ADAM15: variants seen among roughly 807,000 people sequenced by gnomAD.
The protein encoded by ADAM15 is ADAM metallopeptidase domain 15.
Under a neutral mutation model 113.8 loss-of-function variants are expected in ADAM15, and 77 were observed. The ratio of observed to expected loss-of-function variants is 0.68; its 90% CI spans 0.56 to 0.82. The LOEUF (loss-of-function observed/expected upper bound fraction) is 0.82. ADAM15 is among the 40% of genes least tolerant of loss of function. The pLI, the probability that ADAM15 is intolerant of heterozygous loss-of-function variation, is 0.00. For synonymous variants in ADAM15, 388 were observed against 454.1 expected, an observed-to-expected ratio of 0.85 and a Z score of 1.85; for missense variants, 963 against 1,120.1, an observed-to-expected ratio of 0.86 and a Z score of 2.00.
chr1:155,053,835 C>T, intron 3 of ADAM15, 75 bp from the exon 4 acceptor site: 7 of 1,550,066 alleles, frequency 4.5e-6, no homozygotes, highest in Non-Finnish European at 5.3e-6. Flanking sequence ...CCCACAACCA[C>T]CTTCAAGCCT....
At chr1:155,061,290 C>T (rs755238243) in intron 19 of ADAM15, 125 bp from the exon 20 acceptor site, 1 of 661,558 alleles carries the variant, frequency 1.5e-6, no homozygotes, top group Non-Finnish European at 2.7e-6. Flanking sequence ...TGCATAACTG[C>T]ATGCACAGCA....
At chr1:155,052,853 G>C in intron 2 of ADAM15, 76 bp downstream of exon 2, 1 of 1,515,386 alleles carries the variant, frequency 6.6e-7, no homozygotes, top group Non-Finnish European at 8.9e-7. Context: ...CAAAGCCAAA[G>C]CTTGGCTGAG....
In ADAM15 at chr1:155,057,692, A is replaced by G. The variant is rs370606510; in HGVS notation, c.1379A>G (p.Gln460Arg). The change falls in exon 13 of 23, where the codon CAG becomes CGG. Residue 460 changes from glutamine to arginine, a missense_variant. Physicochemically the swap from Gln to Arg is conservative, Grantham distance 43. Coordinates refer to ENST00000356955, the MANE Select transcript of ADAM15 (RefSeq NM_207197.3). This position sits in a 1 kb window ranked among gnomAD's most constrained non-coding sequence, Gnocchi z 5.0. ...SLTCQLRPGAQCASDGPCCQN... is the reference protein window; with the variant it reads ...SLTCQLRPGARCASDGPCCQN... ...ACCTGCCAGCTGAGGCCAGGTGCAC[A>G]GTGTGCATCTGACGGACCCTGTTGT... The G allele has an allele frequency of 1.9e-6, 3 of 1,614,028 alleles. No homozygotes were observed. The highest frequency in any genetic ancestry group is 2.7e-5 in the African/African-American group (2 of 74,896).
Position 155,056,890 on chromosome 1 carries a change from G to T in ADAM15, c.1000-63G>T. 6.6e-7 allele frequency: 1 copy of T among 1,514,762 alleles called. No individual in the cohort carries two copies. The highest frequency in any genetic ancestry group is 8.8e-7 in the Non-Finnish European group (1 of 1,130,552). 93.8% of individuals were successfully genotyped at this position (1,514,762 alleles called of 1,614,324 possible). A position where few individuals can be genotyped will look rare whatever the true frequency, so the allele number is the denominator to read the frequency against. On this transcript the variant is annotated intron_variant, in intron 10 of 22. Coordinates refer to ENST00000356955, the MANE Select transcript of ADAM15 (RefSeq NM_207197.3). The surrounding 1 kb of genome is among the most constrained non-coding windows in gnomAD (Gnocchi z 4.0). ...TGGAGGGAACAGGAGCAGAGAGGGT[G>T]GTCTGGGCATTGTGGTGGAGGCAGG...
intron 6 of ADAM15, chr1:155,055,550 A>T (rs1661641102): frequency 1.8e-6 from 1 of 557,292 alleles, no homozygotes; most frequent in African/African-American, 1.9e-5. Context: ...TAAAAATTTG[A>T]AAAAAACCAC....
At position 155,060,794 on chromosome 1, in the gene ADAM15, G is replaced by C. The variant is rs747157608; in HGVS notation, c.2239G>C (p.Gly747Arg). The C allele has an allele frequency of 2.5e-6, 4 of 1,613,240 alleles. No individual in the cohort carries two copies. In the South Asian group the frequency reaches 4.4e-5, roughly 18 times the overall value. Residue 747 changes from glycine (G) to arginine (R), a missense_variant, in exon 19 of 23, where the codon GGA (glycine) becomes CGA (arginine). Coordinates refer to ENST00000356955, the MANE Select transcript of ADAM15 (RefSeq NM_207197.3). The part of the protein sequence containing the change: ...AAQSGPSERP[G>R]PPQRALLARG... ...CCAATCTGGTCCCTCTGAACGGCCA[G>C]GACCTCCGCAGAGGGCCCTGCTGGC...
rs763190212 is a variant in ADAM15, at chr1:155,057,106, G to A, written c.1148+5G>A. ...CATCATGGAGGCCTCCACAGAGTAA[G>A]TAGCTGCAGGATGGAGAGAGGGTGT... is the stretch of plus-strand genomic sequence containing the variant. On this transcript the variant is annotated splice_donor_5th_base_variant and intron_variant, in intron 11 of 22. Coordinates refer to ENST00000356955, the MANE Select transcript of ADAM15 (RefSeq NM_207197.3). This position sits in a 1 kb window ranked among gnomAD's most constrained non-coding sequence, Gnocchi z 5.0. The A allele has an allele frequency of 2.5e-6, 4 of 1,569,044 alleles. No individual in the cohort carries two copies. The highest frequency in any genetic ancestry group is 2.6e-6 in the Non-Finnish European group (3 of 1,155,516).
Position 155,060,771 on chromosome 1 carries a change from A to G in ADAM15, c.2216A>G (p.Gln739Arg). The change falls in exon 19 of 23, where the codon CAA (glutamine) becomes CGA (arginine). Residue 739 changes from glutamine to arginine, a missense_variant. By Grantham distance (43) the Gln-to-Arg change is conservative (BLOSUM62 1). Transcript: ENST00000356955. The part of the protein sequence containing the change: ...KGPTCQYRAA[Q>R]SGPSERPGPP... Reference sequence around the variant, plus strand: ...CCTTTCCTCATGCATAGGGCAGCCCAATCTGGTCCCTCTGAACGGCCAGGA... The same window carrying G: ...CCTTTCCTCATGCATAGGGCAGCCCGATCTGGTCCCTCTGAACGGCCAGGA... The G allele has an allele frequency of 6.2e-7, 1 of 1,613,850 alleles. No homozygotes were observed. The highest frequency in any genetic ancestry group is 2.2e-5 in the East Asian group (1 of 44,884).
chr1:155,059,855 T>C lies in ADAM15; in HGVS notation c.1996-47T>C, dbSNP rs1225348714. ...TCTTGAAAAGCTAGAGACAAGGAAA[T>C]AGTTCCAGAGTGCAGAGCTCCTCAT... On this transcript the variant is annotated intron_variant, in intron 16 of 22. Coordinates refer to ENST00000356955, the MANE Select transcript of ADAM15 (RefSeq NM_207197.3). 4 of 1,578,326 alleles carry C rather than the reference T, an allele frequency of 2.5e-6. No homozygotes were observed. The East Asian group carries it at 9.0e-5, about 35-fold the overall frequency.
intron 6 of ADAM15, 97 bp from the exon 7 acceptor site, chr1:155,055,693 G>C (rs1661660750): frequency 3.7e-6 from 5 of 1,345,532 alleles, no homozygotes; most frequent in African/African-American, 2.9e-5. Context: ...CCTCCTATTT[G>C]ACCCACAGAG....
Position 155,058,874 on chromosome 1 carries a change from GT to G in ADAM15, c.1995+91del. The stretch of plus-strand genomic sequence containing the variant: ...GGGCTTTGGAAATAGACATATCTGG[GT>G]TTTAATCCTTGCTCTACTACTTCCC... On this transcript the variant is annotated intron_variant, in intron 16 of 22. Transcript: ENST00000356955. The surrounding 1 kb of genome is among the most constrained non-coding windows in gnomAD (Gnocchi z 4.3). The G allele has an allele frequency of 6.9e-7, 1 of 1,457,702 alleles. No homozygotes were observed. Among genetic ancestry groups the G allele is most frequent in the Non-Finnish European group, 9.1e-7 (1 of 1,097,312 alleles). The allele number at this position is 1,457,702 out of a possible 1,614,324, so 90.3% of individuals were successfully genotyped here. A position where few individuals can be genotyped will look rare whatever the true frequency, so the allele number is the denominator to read the frequency against.
Position 155,060,765 on chromosome 1 carries a change from C to T in ADAM15, c.2210C>T (p.Ala737Val), listed in dbSNP as rs751164898. 6.2e-7 allele frequency: 1 copy of T among 1,613,824 alleles called. No individual in the cohort carries two copies. Among genetic ancestry groups the T allele is most frequent in the South Asian group, 1.1e-5 (1 of 91,090 alleles). Residue 737 changes from alanine (A) to valine (V), a missense_variant and splice_region_variant, in exon 19 of 23, where the codon GCA (alanine) becomes GTA (valine). By Grantham distance (64) the Ala-to-Val change is moderately conservative. Transcript: ENST00000356955. The part of the protein sequence containing the change: ...QLKGPTCQYR[A>V]AQSGPSERPG... ...TTCTTGCCTTTCCTCATGCATAGGG[C>T]AGCCCAATCTGGTCCCTCTGAACGG...
In ADAM15 at chr1:155,062,677, C is replaced by T; in HGVS notation, c.*175C>T. 1.2e-6 allele frequency: 1 copy of T among 862,126 alleles called. No individual in the cohort carries two copies. Among genetic ancestry groups the T allele is most frequent in the Non-Finnish European group, 1.7e-6 (1 of 579,502 alleles). 53.4% of individuals were successfully genotyped at this position (862,126 alleles called of 1,614,324 possible). A position where few individuals can be genotyped will look rare whatever the true frequency, so the allele number is the denominator to read the frequency against. Reference sequence around the variant, plus strand: ...TGCGGACCTGCCGGCGTAGTTGCAGCGGGGGCTTGGGGAGGGGCTGGGGGT... The same window carrying T: ...TGCGGACCTGCCGGCGTAGTTGCAGTGGGGGCTTGGGGAGGGGCTGGGGGT... On this transcript the variant is annotated 3_prime_UTR_variant, in exon 23 of 23. Transcript: ENST00000356955. This position sits in a 1 kb window ranked among gnomAD's most constrained non-coding sequence, Gnocchi z 7.0.
intron 1 of ADAM15, chr1:155,051,727 A>G (rs914384143): frequency 1.3e-5 from 5 of 378,676 alleles, no homozygotes; most frequent in Non-Finnish European, 2.4e-5. Context: ...AGGCTCAGGT[A>G]CCAGGTACCG....
At position 155,061,462 on chromosome 1, in the gene ADAM15, G is replaced by A. The variant is rs199883535; in HGVS notation, c.2325G>A (p.Pro775=). ...SFPAPPSRPL[P]PDPVSKRLQA... ...CGGCCCCCCCTTCCAGGCCGCTGCC[G>A]CCTGACCCTGTGTCCAAGAGACTCC... Residue 775 remains proline (P), a synonymous_variant, in exon 20 of 23, where the codon CCG becomes CCA. Coordinates refer to ENST00000356955, the MANE Select transcript of ADAM15 (RefSeq NM_207197.3). 83 of 1,613,522 alleles carry A rather than the reference G, an allele frequency of 5.1e-5. No individual in the cohort carries two copies. The highest frequency in any genetic ancestry group is 2.0e-4 in the East Asian group (9 of 44,856).
Position 155,058,785 on chromosome 1 carries a change from G to A in ADAM15, c.1993G>A (p.Gly665Arg), listed in dbSNP as rs766039356. The A allele has an allele frequency of 5.6e-6, 9 of 1,610,790 alleles. No individual in the cohort carries two copies. The Admixed American group carries it at 6.7e-5, about 12-fold the overall frequency. ...ATGTCGAAGCAAATGCCATGGACAT[G>A]GGGTGAGCTGGGATGGGGGAAGTGG... The part of the protein sequence containing the change: ...QECRSKCHGH[G>R]VCDSNRHCYC... The change falls in exon 16 of 23, where the codon GGG (glycine) becomes AGG (arginine). Residue 665 changes from glycine (G) to arginine (R), a missense_variant and splice_region_variant. By Grantham distance (125) the Gly-to-Arg change is moderately radical. Coordinates refer to ENST00000356955, the MANE Select transcript of ADAM15 (RefSeq NM_207197.3). This position sits in a 1 kb window ranked among gnomAD's most constrained non-coding sequence, Gnocchi z 4.3.
Position 155,054,433 on chromosome 1 carries a change from C to T in ADAM15, c.539C>T (p.Ala180Val). 1.2e-6 allele frequency: 2 copies of T among 1,613,792 alleles called. No homozygotes were observed. Among genetic ancestry groups the T allele is most frequent in the South Asian group, 2.2e-5 (2 of 91,046 alleles). Residue 180 changes from alanine to valine, a missense_variant, in exon 6 of 23, where the codon GCC becomes GTC. By Grantham distance (64) the Ala-to-Val change is moderately conservative. Transcript: ENST00000356955. ...QDLHLPGHTC[A>V]LSWRESVHTQ... ...CTCCACCTGCCAGGCCACACCTGTG[C>T]CCTGAGCTGGCGGGAATCTGTACAC...
Position 155,061,439 on chromosome 1 carries a change from G to A in ADAM15, c.2302G>A (p.Ala768Thr). Residue 768 changes from alanine (A) to threonine (T), a missense_variant, in exon 20 of 23, where the codon GCC becomes ACC. Transcript: ENST00000356955. ...TKQASALSFPAPPSRPLPPDP... is the reference protein window; with the variant it reads ...TKQASALSFPTPPSRPLPPDP... ...GCAGGCTAGTGCTCTCAGCTTCCCGGCCCCCCCTTCCAGGCCGCTGCCGCC... is the reference window on the plus strand; with the variant it reads ...GCAGGCTAGTGCTCTCAGCTTCCCGACCCCCCCTTCCAGGCCGCTGCCGCC... 6.2e-7 allele frequency: 1 copy of A among 1,613,376 alleles called. No homozygotes were observed. Among genetic ancestry groups the A allele is most frequent in the Middle Eastern group, 1.7e-4 (1 of 6,056 alleles).
Position 155,061,027 on chromosome 1 carries a change from G to T in ADAM15, c.2277+195G>T, listed in dbSNP as rs573061189. The T allele has an allele frequency of 9.6e-5, 59 of 612,702 alleles. 1 individual carries two copies. In the South Asian group the frequency reaches 1.2e-3, roughly 12 times the overall value. 38.0% of individuals were successfully genotyped at this position (612,702 alleles called of 1,614,324 possible). On this transcript the variant is annotated intron_variant, in intron 19 of 22. Transcript: ENST00000356955. ...GGGAAGCTGAGTCCAGAAGAGTGGG[G>T]AGGGCAGCCAGCTGGAGCAGGAGCT... is the stretch of plus-strand genomic sequence containing the variant.
Sources: gnomAD v4.1 joint callset for allele counts on GRCh38, gnomAD v4.1.1 for gene constraint, Gnocchi (gnomAD v3.1) non-coding constraint, MANE v1.5 for transcripts, NCBI Gene and HGNC (gene_info 2026-07-23, HGNC 2026-07-21) for gene names.